COL4A2: variants seen among roughly 807,000 people sequenced by gnomAD.
COL4A2 encodes collagen type IV alpha 2 chain, also known as collagen alpha-2(IV) chain.
Under a neutral mutation model 200.2 loss-of-function variants are expected in COL4A2, and 99 were observed. The observed-to-expected ratio is 0.49, with a 90% CI of 0.42 to 0.58. The LOEUF (loss-of-function observed/expected upper bound fraction) is 0.58. Ranked by LOEUF, COL4A2 falls within the 20% of genes least tolerant of loss-of-function variation. COL4A2 has a pLI of 0.00. For synonymous variants in COL4A2, 897 were observed against 900.6 expected (o/e 1.00, Z 0.07); for missense variants, 1,950 against 2,314.1 (o/e 0.84, Z 3.23).
intron 4 of COL4A2, among the ~76,000 whole-genome samples, chr13:110,397,524 A>G (rs1879221953): frequency 6.6e-6 from 1 of 152,236 alleles, no homozygotes; most frequent in East Asian, 1.9e-4. Context: ...TTTTAAGAAC[A>G]TCGTAGGTGG....
intron 3 of COL4A2, among the ~76,000 whole-genome samples, chr13:110,338,600 C>T (rs1184107702): frequency 6.6e-6 from 1 of 152,190 alleles, no homozygotes; most frequent in African/African-American, 2.4e-5. Context: ...CCTGGGACCC[C>T]AGGGATGGTT....
chr13:110,419,007 G>A (rs9555698), intron 4 of COL4A2, among the ~76,000 whole-genome samples: 14,643 of 152,212 alleles, frequency 0.096, 1,018 homozygotes, highest in East Asian at 0.29. Context: ...GACATTTTAC[G>A]TATTTGAAAT....
At chr13:110,311,050 G>A (rs536851091) in intron 3 of COL4A2, among the ~76,000 whole-genome samples, 21 of 152,162 alleles carry the variant, frequency 1.4e-4, no homozygotes, top group Non-Finnish European at 5.9e-5. Context: ...GAGTCTCCTG[G>A]GGTGTGGGTG....
intron 3 of COL4A2, among the ~76,000 whole-genome samples, chr13:110,351,242 T>C (rs748472571): frequency 2.6e-5 from 4 of 151,812 alleles, no homozygotes; most frequent in East Asian, 3.9e-4. Flanking sequence ...TTTGTTTGTT[T>C]GTTCGTTTGT....
rs1025268794 is a variant in COL4A2 at position 110,307,706 on chromosome 13, C to T, written c.-44-154C>T. Among the ~76,000 whole-genome samples, 9 of 152,136 alleles carry T rather than the reference C, an allele frequency of 5.9e-5. No individual in the cohort carries two copies. Among genetic ancestry groups the T allele is most frequent in the Non-Finnish European group, 8.8e-5 (6 of 68,012 alleles). The stretch of plus-strand genomic sequence containing the variant: ...CACAGGGGCCTAACGGGAGGCTCTC[C>T]TTCTTTCCGGGTCGTGGGGGGGACG... On this transcript the variant is annotated intron_variant, in intron 1 of 47. Coordinates refer to ENST00000360467, the MANE Select transcript of COL4A2 (RefSeq NM_001846.4). This position sits in a 1 kb window ranked among gnomAD's most constrained non-coding sequence, Gnocchi z 5.0.
Position 110,428,497 on chromosome 13 carries a change from A to C in COL4A2, c.391A>C (p.Arg131=). The change falls in exon 7 of 48, where the codon AGG becomes CGG. Residue 131 remains arginine (R), a synonymous_variant. Coordinates refer to ENST00000360467, the MANE Select transcript of COL4A2 (RefSeq NM_001846.4). ...CCCGGGGCAAGGTGGGCCCAGGGGAAGGCCGGGCTACGATGGCTGCAACGG... is the reference window on the plus strand; with the variant it reads ...CCCGGGGCAAGGTGGGCCCAGGGGACGGCCGGGCTACGATGGCTGCAACGG... The part of the protein sequence containing the change: ...GHPGQGGPRG[R]PGYDGCNGTQ... 1.3e-6 allele frequency: 2 copies of C among 1,584,492 alleles called. No individual in the cohort carries two copies. The highest frequency in any genetic ancestry group is 2.4e-5 in the East Asian group (1 of 41,562).
At chr13:110,476,074 T>C (rs1882693136) in intron 29 of COL4A2, among the ~76,000 whole-genome samples, 1 of 152,234 alleles carries the variant, frequency 6.6e-6, no homozygotes, top group South Asian at 2.1e-4. Context: ...TCTCCAGCCC[T>C]GCTGCCCCCT....
chr13:110,442,563 GA>G (rs1881168482), intron 16 of COL4A2, among the ~76,000 whole-genome samples: 1 of 152,208 alleles, frequency 6.6e-6, no homozygotes, highest in Non-Finnish European at 1.5e-5. Flanking sequence ...GGAGGAACCA[GA>G]AAAGAAAAGA....
At chr13:110,491,656 C>T (rs560861926) in intron 37 of COL4A2, among the ~76,000 whole-genome samples, 4 of 152,210 alleles carry the variant, frequency 2.6e-5, no homozygotes, top group African/African-American at 9.6e-5. Flanking sequence ...ATGCAGAAAC[C>T]CCTATGAACA....
intron 20 of COL4A2, among the ~76,000 whole-genome samples, chr13:110,450,697 C>T (rs1881508900): frequency 6.6e-6 from 1 of 152,128 alleles, no homozygotes; most frequent in Non-Finnish European, 1.5e-5. Flanking sequence ...CCGTGGATGC[C>T]ACACAGTGAG....
chr13:110,320,632 A>G (rs576171337), intron 3 of COL4A2, among the ~76,000 whole-genome samples: 10 of 152,220 alleles, frequency 6.6e-5, no homozygotes, highest in African/African-American at 2.4e-4. Flanking sequence ...CCTCTGAACA[A>G]AGTCTAACTC....
chr13:110,447,655 A>G (rs1881379267), intron 18 of COL4A2, among the ~76,000 whole-genome samples: 2 of 152,152 alleles, frequency 1.3e-5, no homozygotes, highest in African/African-American at 2.4e-5. Context: ...CTCTGTGAGG[A>G]CAGACATTTC....
chr13:110,335,957 T>C (rs1876162302), intron 3 of COL4A2, among the ~76,000 whole-genome samples: 1 of 152,226 alleles, frequency 6.6e-6, no homozygotes, highest in Non-Finnish European at 1.5e-5. Context: ...AAAAGAAGAC[T>C]CTCGTGGGCT....
chr13:110,433,585 T>C (rs1215326785), intron 11 of COL4A2, among the ~76,000 whole-genome samples: 1 of 152,180 alleles, frequency 6.6e-6, no homozygotes, highest in Non-Finnish European at 1.5e-5. Context: ...TCAGAAAATA[T>C]CTGGACATTG....
In COL4A2 at chr13:110,307,480, C is replaced by T. The variant is rs1275786767; in HGVS notation, c.-93C>T. The T allele has an allele frequency of 4.6e-6, 1 of 219,416 alleles. No homozygotes were observed. Among genetic ancestry groups the T allele is most frequent in the Non-Finnish European group, 8.9e-6 (1 of 112,718 alleles). 13.6% of individuals were successfully genotyped at this position (219,416 alleles called of 1,614,324 possible). A position where few individuals can be genotyped will look rare whatever the true frequency, so the allele number is the denominator to read the frequency against. The stretch of plus-strand genomic sequence containing the variant: ...GCCGGTGTGCCGCCGGCGGGTGCTT[C>T]TGGAAGGGCCAATGCGTTCGGGCAG... On this transcript the variant is annotated 5_prime_UTR_variant, in exon 1 of 48. Transcript: ENST00000360467. This position sits in a 1 kb window ranked among gnomAD's most constrained non-coding sequence, Gnocchi z 5.0.
chr13:110,313,504 T>G (rs1885046145), intron 3 of COL4A2, among the ~76,000 whole-genome samples: 1 of 150,496 alleles, frequency 6.6e-6, no homozygotes, highest in South Asian at 2.1e-4. Flanking sequence ...CCCACCCCGG[T>G]GCCCCGCGTC....
intron 20 of COL4A2, among the ~76,000 whole-genome samples, chr13:110,450,692 G>A (rs140469326): frequency 6.6e-6 from 1 of 152,312 alleles, no homozygotes; most frequent in East Asian, 1.9e-4. Context: ...CAGCCCCGTG[G>A]ATGCCACACA....
chr13:110,373,676 C>T (rs1417309945), intron 4 of COL4A2, among the ~76,000 whole-genome samples: 1 of 152,222 alleles, frequency 6.6e-6, no homozygotes, highest in South Asian at 2.1e-4. Context: ...GATAAATACC[C>T]AAGCCGCAGG....
chr13:110,411,665 C>T (rs1879844232), intron 4 of COL4A2, among the ~76,000 whole-genome samples: 3 of 152,176 alleles, frequency 2.0e-5, no homozygotes, highest in Admixed American at 1.3e-4. Flanking sequence ...CCATGAACCC[C>T]AGGCATACAT....
Sources: allele counts gnomAD v4.1 joint callset (sites outside exome capture counted in the v4.1 genomes callset), GRCh38; gene constraint gnomAD v4.1.1; non-coding constraint Gnocchi (gnomAD v3.1); transcripts MANE v1.5; gene names NCBI Gene and HGNC (gene_info 2026-07-23, HGNC 2026-07-21).